RBFOX1: variants seen among roughly 807,000 people sequenced by gnomAD.
The protein encoded by RBFOX1 is RNA binding fox-1 homolog 1, also known as RNA binding protein fox-1 homolog 1.
RBFOX1 carries 8 observed loss-of-function variants against 57.7 expected under a neutral mutation model. The observed-to-expected ratio is 0.14, with a 90% CI of 0.08 to 0.25. The LOEUF (loss-of-function observed/expected upper bound fraction) is 0.25. RBFOX1 is among the 10% of genes least tolerant of loss of function. The pLI, the probability that RBFOX1 is intolerant of heterozygous loss-of-function variation, is 1.00. For missense variants in RBFOX1, 611 were observed against 548.5 expected (o/e 1.11, Z -1.14); for synonymous variants, 326 against 222.4 (o/e 1.47, Z -4.15).
intron 3 of RBFOX1, among the ~76,000 whole-genome samples, chr16:6,681,021 T>C (rs566166222): frequency 6.6e-6 from 1 of 152,124 alleles, no homozygotes; most frequent in African/African-American, 2.4e-5. Context: ...TAAGTAGAAA[T>C]CTGTTTAGGC....
At chr16:5,649,163 G>A (rs1247088966) in intron 3 of RBFOX1, among the ~76,000 whole-genome samples, 1 of 151,528 alleles carries the variant, frequency 6.6e-6, no homozygotes, top group East Asian at 1.9e-4. Context: ...ACATATATAT[G>A]TACATATGTA....
intron 3 of RBFOX1, among the ~76,000 whole-genome samples, chr16:5,607,182 T>C (rs2047614132): frequency 6.6e-6 from 1 of 152,196 alleles, no homozygotes; most frequent in African/African-American, 2.4e-5. Flanking sequence ...CTAATGTGCC[T>C]TCTACAGCGT....
intron 1 of RBFOX1, among the ~76,000 whole-genome samples, chr16:6,185,812 T>C (rs2097101443): frequency 6.6e-6 from 1 of 152,208 alleles, no homozygotes; most frequent in South Asian, 2.1e-4. Flanking sequence ...ACATGGTTGA[T>C]GAGCGTGAGA....
At chr16:7,406,091 G>T (rs1033422999) in intron 4 of RBFOX1, among the ~76,000 whole-genome samples, 1 of 152,142 alleles carries the variant, frequency 6.6e-6, no homozygotes, top group Non-Finnish European at 1.5e-5. Flanking sequence ...ACCCCATTCT[G>T]GAGGTGAAGG....
At chr16:5,498,311 AT>A (rs1211671760) in intron 2 of RBFOX1, among the ~76,000 whole-genome samples, 1 of 151,768 alleles carries the variant, frequency 6.6e-6, no homozygotes, top group Non-Finnish European at 1.5e-5. Flanking sequence ...CCCAGCTAAT[AT>A]TTTGTATTTT....
rs561077972 is a variant in RBFOX1 at position 7,597,996 on chromosome 16, A to T, written c.622+565A>T. On this transcript the variant is annotated intron_variant, in intron 9 of 15. Coordinates refer to ENST00000550418, the MANE Select transcript of RBFOX1 (RefSeq NM_018723.4). ...TTGAGAATGTTGCTTTGTATTACAG[A>T]CCCCATCAGGACAATGCAATTTCTG... Among the ~76,000 whole-genome samples, 5 of 152,194 alleles carry T rather than the reference A, an allele frequency of 3.3e-5. No homozygotes were observed. In the South Asian group the frequency reaches 6.2e-4, roughly 19 times the overall value.
chr16:6,232,786 G>C (rs543488636), intron 1 of RBFOX1, among the ~76,000 whole-genome samples: 1 of 152,100 alleles, frequency 6.6e-6, no homozygotes, highest in African/African-American at 2.4e-5. Context: ...GCTCAGATTT[G>C]CTTCCACTTG....
At chr16:5,275,081 C>T (rs1041320526) in intron 1 of RBFOX1, among the ~76,000 whole-genome samples, 2 of 152,216 alleles carry the variant, frequency 1.3e-5, no homozygotes, top group African/African-American at 2.4e-5. Context: ...GAGGCTGCCA[C>T]AATCCGCCTG....
chr16:5,986,519 T>C (rs958089120), intron 4 of RBFOX1, among the ~76,000 whole-genome samples: 6 of 152,228 alleles, frequency 3.9e-5, no homozygotes, highest in African/African-American at 1.4e-4. Context: ...AGTGTCCCTT[T>C]CATACCCACA....
intron 3 of RBFOX1, among the ~76,000 whole-genome samples, chr16:6,999,596 C>G (rs897395352): frequency 2.6e-5 from 4 of 152,032 alleles, no homozygotes; most frequent in African/African-American, 9.7e-5. Flanking sequence ...CAGCAGATTT[C>G]AACAACTACC....
At chr16:7,333,047 A>C in intron 4 of RBFOX1, 1 of 1,613,914 alleles carries the variant, frequency 6.2e-7, no homozygotes, top group East Asian at 2.2e-5. Flanking sequence ...TGGCGTGCCT[A>C]TGATTGTACC....
chr16:7,284,288 C>G (rs955840194), intron 4 of RBFOX1, among the ~76,000 whole-genome samples: 4 of 152,118 alleles, frequency 2.6e-5, no homozygotes, highest in African/African-American at 9.7e-5. Context: ...GGGTAAATTC[C>G]TAGGAGTGGT....
At chr16:6,357,274 T>C (rs1359363028) in intron 2 of RBFOX1, among the ~76,000 whole-genome samples, 1 of 151,412 alleles carries the variant, frequency 6.6e-6, no homozygotes, top group African/African-American at 2.4e-5. Flanking sequence ...AGAAGAAAAA[T>C]GGTGCATGTG....
intron 3 of RBFOX1, among the ~76,000 whole-genome samples, chr16:6,767,447 C>G (rs1000791207): frequency 6.6e-6 from 1 of 152,152 alleles, no homozygotes; most frequent in Non-Finnish European, 1.5e-5. Flanking sequence ...CTATAATTAT[C>G]CTGAGGTTTT....
chr16:5,325,685 A>G (rs1012818627), intron 1 of RBFOX1, among the ~76,000 whole-genome samples: 12 of 152,270 alleles, frequency 7.9e-5, no homozygotes, highest in Admixed American at 7.2e-4. Context: ...ACCATGTAGT[A>G]TGCAACCTTT....
At chr16:7,236,481 T>C (rs150502534) in intron 4 of RBFOX1, among the ~76,000 whole-genome samples, 310 of 152,290 alleles carry the variant, frequency 2.0e-3, no homozygotes, top group African/African-American at 7.2e-3. Context: ...TTCTGCTCCA[T>C]GGTTCCTAAA....
intron 2 of RBFOX1, among the ~76,000 whole-genome samples, chr16:6,492,728 C>T (rs915030686): frequency 6.6e-6 from 1 of 152,124 alleles, no homozygotes; most frequent in Non-Finnish European, 1.5e-5. Flanking sequence ...GGAGGAAATA[C>T]CTAAGTAGGG....
intron 2 of RBFOX1, among the ~76,000 whole-genome samples, chr16:6,609,468 C>T (rs572310665): frequency 3.3e-5 from 5 of 152,032 alleles, no homozygotes; most frequent in Admixed American, 1.3e-4. Context: ...CTCAGCCTCC[C>T]GAGTAACTGG....
At chr16:7,352,552 C>T (rs902241365) in intron 4 of RBFOX1, among the ~76,000 whole-genome samples, 8 of 152,032 alleles carry the variant, frequency 5.3e-5, no homozygotes, top group African/African-American at 1.9e-4. Flanking sequence ...TGTTCTAGGG[C>T]CCTTTGCAGC....
Sources: allele counts gnomAD v4.1 joint callset (sites outside exome capture counted in the v4.1 genomes callset), GRCh38; gene constraint gnomAD v4.1.1; transcripts MANE v1.5; gene names NCBI Gene and HGNC (gene_info 2026-07-23, HGNC 2026-07-21).